The following CLEC16A variants were observed in gnomAD, a reference collection of about 807,000 sequenced individuals.
The protein encoded by CLEC16A is protein CLEC16A.
In CLEC16A, 51 loss-of-function variants were observed where a neutral mutation model predicts 109.5. The observed-to-expected ratio is 0.47, with a 90% CI of 0.37 to 0.59. CLEC16A has a LOEUF of 0.59. CLEC16A is among the 20% of genes least tolerant of loss of function. The pLI, the probability that CLEC16A is intolerant of heterozygous loss-of-function variation, is 0.00. For synonymous variants in CLEC16A, 673 were observed against 564.2 expected, an observed-to-expected ratio of 1.19 and a Z score of -2.73; for missense variants, 1,339 against 1,394.0, an observed-to-expected ratio of 0.96 and a Z score of 0.63.
intron 1 of CLEC16A, among the ~76,000 whole-genome samples, chr16:10,957,246 A>C (rs1489918741): frequency 1.3e-5 from 2 of 152,212 alleles, no homozygotes; most frequent in Non-Finnish European, 2.9e-5. Flanking sequence ...GGGGAATTGC[A>C]TGTGATTTTT....
At chr16:10,986,731 A>AGCGTGTGTGTG (rs372842195) in intron 10 of CLEC16A, among the ~76,000 whole-genome samples, 1 of 150,122 alleles carries the variant, frequency 6.7e-6, no homozygotes, top group Non-Finnish European at 1.5e-5. Context: ...TTAAGGCTCA[A>AGCGTGTGTGTG]TGTGTGTGTG....
At chr16:11,040,613 T>C (rs1182164506) in intron 14 of CLEC16A, 1 of 143,674 alleles carries the variant, frequency 7.0e-6, no homozygotes, top group East Asian at 2.1e-4. Context: ...CCCAGGTTCA[T>C]GCGATTCTCC....
rs1356665282 is a variant in CLEC16A at position 11,174,159 on chromosome 16, AGTG to A, written c.2807-4174_2807-4172del. The A allele has an allele frequency of 2.1e-6, 1 of 470,272 alleles. No homozygotes were observed. The highest frequency in any genetic ancestry group is 2.0e-5 in the African/African-American group (1 of 50,164). 29.1% of individuals were successfully genotyped at this position (470,272 alleles called of 1,614,324 possible). ...TCGCTGTGTTTTCCCTCTAGTCAGG[AGTG>A]GCAGGAAAGGACGCCGACGAGTGTT... On this transcript the variant is annotated intron_variant, in intron 23 of 23. Coordinates refer to ENST00000409790, the MANE Select transcript of CLEC16A (RefSeq NM_015226.3). This position sits in a 1 kb window ranked among gnomAD's most constrained non-coding sequence, Gnocchi z 4.7.
chr16:11,004,741 G>A (rs1297709578), intron 11 of CLEC16A, among the ~76,000 whole-genome samples: 5 of 152,032 alleles, frequency 3.3e-5, no homozygotes, highest in Admixed American at 6.6e-5. Context: ...TTCAACAAGC[G>A]TAACCAAAAT....
At chr16:11,014,121 T>G (rs1301585386) in intron 11 of CLEC16A, among the ~76,000 whole-genome samples, 2 of 152,216 alleles carry the variant, frequency 1.3e-5, no homozygotes, top group African/African-American at 4.8e-5. Flanking sequence ...GATAACCAAC[T>G]TGATTGTGTA....
At chr16:11,105,164 C>T (rs2051143408) in intron 19 of CLEC16A, among the ~76,000 whole-genome samples, 2 of 152,102 alleles carry the variant, frequency 1.3e-5, no homozygotes, top group South Asian at 2.1e-4. Context: ...TGTGGCATTC[C>T]GAGAGCAGAG....
intron 22 of CLEC16A, chr16:11,156,469 C>G (rs971448772): frequency 2.5e-5 from 14 of 561,432 alleles, no homozygotes; most frequent in African/African-American, 2.3e-4. Context: ...ACCCACCCTG[C>G]TCCTGGTGCA....
At chr16:11,072,386 T>C (rs2049125785) in intron 19 of CLEC16A, among the ~76,000 whole-genome samples, 1 of 152,236 alleles carries the variant, frequency 6.6e-6, no homozygotes, top group South Asian at 2.1e-4. Context: ...CCCAATGTAC[T>C]GGGATTACAG....
At chr16:10,967,992 C>T (rs2042593861) in intron 3 of CLEC16A, among the ~76,000 whole-genome samples, 1 of 152,244 alleles carries the variant, frequency 6.6e-6, no homozygotes, top group Admixed American at 6.5e-5. Flanking sequence ...TCCGGGGTTG[C>T]TGTGCTCCCC....
At chr16:11,093,396 T>C (rs1047089855) in intron 19 of CLEC16A, among the ~76,000 whole-genome samples, 3 of 152,166 alleles carry the variant, frequency 2.0e-5, no homozygotes, top group Admixed American at 6.5e-5. Context: ...CAAGGCCTCC[T>C]AAACCCTAGC....
At chr16:11,026,647 T>G (rs1182656512) in intron 13 of CLEC16A, among the ~76,000 whole-genome samples, 16 of 44,190 alleles carry the variant, frequency 3.6e-4, no homozygotes, top group Admixed American at 1.3e-3. Context: ...TGTTTGGGGT[T>G]TTTTTTTTTT....
intron 4 of CLEC16A, among the ~76,000 whole-genome samples, chr16:10,970,005 T>C (rs1161435267): frequency 6.6e-6 from 1 of 152,202 alleles, no homozygotes; most frequent in Non-Finnish European, 1.5e-5. Context: ...TTTGGGAGAA[T>C]TATTAAAATG....
rs528848278 is a variant in CLEC16A, at chr16:11,018,633, C to G, written c.1304-1560C>G. Among the ~76,000 whole-genome samples, 244 of 151,794 alleles carry G rather than the reference C, an allele frequency of 1.6e-3. 1 individual carries two copies. Among genetic ancestry groups the G allele is most frequent in the African/African-American group, 5.7e-3 (236 of 41,310 alleles). ...GTGTGGTGGCGGGTGCCTGTAGTCC[C>G]AGCTACTCAGGAGGCTGAGGCAGGA... On this transcript the variant is annotated intron_variant, in intron 11 of 23. Coordinates refer to ENST00000409790, the MANE Select transcript of CLEC16A (RefSeq NM_015226.3).
chr16:11,140,675 C>T (rs2053782199), intron 22 of CLEC16A, among the ~76,000 whole-genome samples: 1 of 152,176 alleles, frequency 6.6e-6, no homozygotes. Flanking sequence ...GCTCAAGCTG[C>T]CGGACTTGAG....
intron 1 of CLEC16A, among the ~76,000 whole-genome samples, chr16:10,957,433 T>C (rs143049510): frequency 2.0e-5 from 3 of 152,380 alleles, no homozygotes; most frequent in African/African-American, 7.2e-5. Flanking sequence ...CTACTTGCTC[T>C]TCTCTCAGTC....
intron 20 of CLEC16A, among the ~76,000 whole-genome samples, chr16:11,123,467 AC>A (rs1379340152): frequency 2.6e-5 from 4 of 151,848 alleles, no homozygotes; most frequent in South Asian, 4.2e-4. Context: ...TCATGAGCTG[AC>A]CCCAGTCCTC....
chr16:11,064,182 GA>G (rs1280944520), intron 19 of CLEC16A, among the ~76,000 whole-genome samples: 4 of 152,162 alleles, frequency 2.6e-5, no homozygotes, highest in Non-Finnish European at 4.4e-5. Flanking sequence ...AAAGCAAATG[GA>G]AGACATCATA....
chr16:11,122,055 C>T (rs957191747), intron 20 of CLEC16A, among the ~76,000 whole-genome samples: 1 of 151,694 alleles, frequency 6.6e-6, no homozygotes, highest in Non-Finnish European at 1.5e-5. Context: ...TGAACTTTGC[C>T]CTACTTCAAG....
chr16:11,061,590 C>T (rs1232108397), intron 19 of CLEC16A, among the ~76,000 whole-genome samples: 5 of 152,294 alleles, frequency 3.3e-5, no homozygotes, highest in Admixed American at 6.5e-5. Flanking sequence ...AAAGCCTGAC[C>T]GTGTTCCTGG....
Sources: gnomAD v4.1 joint callset for allele counts (sites outside exome capture counted in the v4.1 genomes callset) on GRCh38, gnomAD v4.1.1 for gene constraint, Gnocchi (gnomAD v3.1) non-coding constraint, MANE v1.5 for transcripts, NCBI Gene and HGNC (gene_info 2026-07-23, HGNC 2026-07-21) for gene names.